Variants in SGCZ observed in about 807,000 individuals in gnomAD.
SGCZ encodes the protein sarcoglycan zeta, also known as zeta-sarcoglycan.
In SGCZ, 40 loss-of-function variants were observed where a neutral mutation model predicts 41.3. The observed-to-expected ratio is 0.97, with a 90% CI of 0.75 to 1.26. The LOEUF is 1.26. SGCZ is among the 50% of genes most tolerant of loss of function. The pLI is 0.00. For missense variants in SGCZ, 552 were observed against 369.8 expected, an observed-to-expected ratio of 1.49 and a Z score of -4.04; for synonymous variants, 206 against 137.5, an observed-to-expected ratio of 1.50 and a Z score of -3.49.
intron 6 of SGCZ, among the ~76,000 whole-genome samples, chr8:14,104,393 A>G (rs1007636529): frequency 1.3e-5 from 2 of 150,218 alleles, no homozygotes; most frequent in Non-Finnish European, 3.0e-5. Flanking sequence ...AGTTGCAACA[A>G]GATACAGTTT....
At chr8:14,282,847 C>CTTTTTTT (rs1168778028) in intron 3 of SGCZ, among the ~76,000 whole-genome samples, 2,255 of 89,820 alleles carry the variant, frequency 0.025, 233 homozygotes, top group African/African-American at 0.052. Flanking sequence ...CTTTCAAATA[C>CTTTTTTT]TTTTTTTTTT....
chr8:14,349,690 T>G (rs998689630), intron 2 of SGCZ, among the ~76,000 whole-genome samples: 1 of 152,138 alleles, frequency 6.6e-6, no homozygotes, highest in Non-Finnish European at 1.5e-5. Flanking sequence ...CCCACAGGAC[T>G]CTTAAATGAC....
At chr8:14,239,810 G>A (rs1373629654) in intron 3 of SGCZ, among the ~76,000 whole-genome samples, 1 of 147,152 alleles carries the variant, frequency 6.8e-6, no homozygotes, top group Admixed American at 6.8e-5. Context: ...GCTGAGGCAG[G>A]AGAATGGCGT....
chr8:14,174,920 G>A (rs184807735), intron 4 of SGCZ, among the ~76,000 whole-genome samples: 2 of 152,216 alleles, frequency 1.3e-5, no homozygotes, highest in African/African-American at 4.8e-5. Context: ...CCCTTTTGAT[G>A]GATCTGTGTG....
chr8:14,313,585 C>T (rs2117005108), intron 3 of SGCZ, among the ~76,000 whole-genome samples: 1 of 152,294 alleles, frequency 6.6e-6, no homozygotes, highest in Admixed American at 6.5e-5. Flanking sequence ...GTCCACCTTC[C>T]TTGGCCTCCC....
intron 5 of SGCZ, among the ~76,000 whole-genome samples, chr8:14,115,495 G>C (rs1263586644): frequency 6.6e-6 from 1 of 151,818 alleles, no homozygotes; most frequent in Non-Finnish European, 1.5e-5. Flanking sequence ...AAGATTCCTA[G>C]GTAAATTATC....
chr8:14,496,430 T>C (rs73190231), intron 2 of SGCZ, among the ~76,000 whole-genome samples: 2,665 of 152,230 alleles, frequency 0.018, 42 homozygotes, highest in East Asian at 0.083. Flanking sequence ...ATACAAGTAG[T>C]AAGTAGTATC....
chr8:14,766,725 C>CTGT (rs1800046941), intron 1 of SGCZ, among the ~76,000 whole-genome samples: 2 of 108,414 alleles, frequency 1.8e-5, no homozygotes, highest in African/African-American at 9.0e-5. Context: ...CCATGTCCAG[C>CTGT]TATTTTTTTT....
At chr8:15,189,383 T>G (rs750196984) in intron 1 of SGCZ, among the ~76,000 whole-genome samples, 20 of 152,208 alleles carry the variant, frequency 1.3e-4, no homozygotes, top group Non-Finnish European at 2.6e-4. Flanking sequence ...GAAAGAATTT[T>G]TTTGAAACAC....
intron 2 of SGCZ, among the ~76,000 whole-genome samples, chr8:14,540,578 T>C (rs969118188): frequency 2.2e-4 from 33 of 151,930 alleles, no homozygotes; most frequent in African/African-American, 7.5e-4. Flanking sequence ...TTAAATTTTC[T>C]CCAAAAATAG....
intron 1 of SGCZ, among the ~76,000 whole-genome samples, chr8:14,880,450 T>G (rs547698972): frequency 6.6e-6 from 1 of 152,154 alleles, no homozygotes; most frequent in Non-Finnish European, 1.5e-5. Flanking sequence ...ATCCCATTAC[T>G]GGGTATATAC....
intron 2 of SGCZ, among the ~76,000 whole-genome samples, chr8:14,521,659 G>T (rs541308330): frequency 6.6e-6 from 1 of 152,048 alleles, no homozygotes; most frequent in African/African-American, 2.4e-5. Flanking sequence ...TAAATGCCCA[G>T]ATGTAGAATA....
intron 3 of SGCZ, among the ~76,000 whole-genome samples, chr8:14,263,797 G>A (rs1799764358): frequency 6.6e-6 from 1 of 152,128 alleles, no homozygotes; most frequent in South Asian, 2.1e-4. Context: ...AAGAAGGACA[G>A]AGTCACACTG....
chr8:14,224,291 G>C (rs1217286115), intron 4 of SGCZ, among the ~76,000 whole-genome samples: 2 of 151,818 alleles, frequency 1.3e-5, no homozygotes, highest in Non-Finnish European at 2.9e-5. Flanking sequence ...GAAATACCAA[G>C]GGTAGAAAAG....
chr8:14,656,682 T>G (rs960713499), intron 1 of SGCZ, among the ~76,000 whole-genome samples: 3 of 151,206 alleles, frequency 2.0e-5, no homozygotes, highest in Admixed American at 6.6e-5. Flanking sequence ...CTTTTCTCCC[T>G]TTCTCTCTTT....
At chr8:14,157,188 C>G (rs185483400) in intron 5 of SGCZ, among the ~76,000 whole-genome samples, 260 of 151,530 alleles carry the variant, frequency 1.7e-3, no homozygotes, top group Admixed American at 4.0e-3. Context: ...GAAATTTTAT[C>G]TCCATCATAA....
At chr8:14,549,857 G>C (rs1803746033) in intron 2 of SGCZ, among the ~76,000 whole-genome samples, 1 of 152,046 alleles carries the variant, frequency 6.6e-6, no homozygotes, top group Admixed American at 6.6e-5. Flanking sequence ...TAGGTGATCA[G>C]ATTTGTAGCT....
intron 1 of SGCZ, among the ~76,000 whole-genome samples, chr8:15,043,444 A>G (rs942162097): frequency 2.6e-5 from 4 of 152,148 alleles, no homozygotes; most frequent in South Asian, 2.1e-4. Flanking sequence ...CACATTAAAC[A>G]TAATAGAGTG....
At chr8:14,537,933 G>A (rs1013880433) in intron 2 of SGCZ, among the ~76,000 whole-genome samples, 17 of 151,778 alleles carry the variant, frequency 1.1e-4, no homozygotes, top group South Asian at 2.1e-4. Flanking sequence ...CAACTCTTTC[G>A]TTTGCTTTGC....
Sources: gnomAD v4.1 joint callset for allele counts (sites outside exome capture counted in the v4.1 genomes callset) on GRCh38, gnomAD v4.1.1 for gene constraint, MANE v1.5 for transcripts, NCBI Gene and HGNC (gene_info 2026-07-23, HGNC 2026-07-21) for gene names.